The following ABCB4 variants were observed in gnomAD, a reference collection of about 807,000 sequenced individuals.
ABCB4 encodes the protein phosphatidylcholine translocator ABCB4.
In ABCB4, 76 loss-of-function variants were observed where a neutral mutation model predicts 145.7. The ratio of observed to expected loss-of-function variants is 0.52; its 90% CI spans 0.43 to 0.63. ABCB4 has a LOEUF of 0.63. ABCB4 is among the 30% of genes least tolerant of loss of function. The pLI is 0.00. For synonymous variants in ABCB4, 517 were observed against 566.8 expected (o/e 0.91, Z 1.25); for missense variants, 1,234 against 1,553.1 (o/e 0.79, Z 3.45).
At chr7:87,398,708 G>A, downstream of ABCB4, 2 of 1,482,368 alleles carry the variant, frequency 1.3e-6, no homozygotes, top group Non-Finnish European at 1.8e-6. Flanking sequence ...GGAGTGAGTT[G>A]GTAATATGAG....
chr7:87,451,262 G>A (rs1437501774), intron 7 of ABCB4, among the ~76,000 whole-genome samples: 2 of 151,638 alleles, frequency 1.3e-5, no homozygotes, highest in African/African-American at 2.4e-5. Flanking sequence ...AGCCTCCCAA[G>A]TAGCTGGGAT....
chr7:87,421,982 T>A, intron 18 of ABCB4, 139 bp downstream of exon 18: 2 of 674,554 alleles, frequency 3.0e-6, no homozygotes, highest in East Asian at 2.7e-5. Context: ...TGATAAGGAG[T>A]CTACCCTCCA....
intron 27 of ABCB4, 135 bp from the exon 28 acceptor site, chr7:87,402,437 T>G: frequency 2.8e-6 from 3 of 1,081,458 alleles, no homozygotes; most frequent in Non-Finnish European, 2.7e-6. Context: ...ACTTTATGCA[T>G]GTGTATTTTG....
At chr7:87,464,941 A>G (rs1431963469) in intron 3 of ABCB4, among the ~76,000 whole-genome samples, 1 of 152,210 alleles carries the variant, frequency 6.6e-6, no homozygotes, top group Non-Finnish European at 1.5e-5. Flanking sequence ...AACAGCTCCC[A>G]GTGCAAGTGA....
At chr7:87,376,471 C>T in the ABCB4 span, among the ~76,000 whole-genome samples, 2 of 152,000 alleles carry the variant, frequency 1.3e-5, no homozygotes, top group Non-Finnish European at 2.9e-5. Flanking sequence ...CCCCTGCCAC[C>T]CCCAGGGTGA....
the ABCB4 span, chr7:87,375,937 C>T: frequency 1.1e-5 from 18 of 1,607,174 alleles, no homozygotes; most frequent in Admixed American, 1.7e-5. Flanking sequence ...CATGTAACAC[C>T]AGAGGATTAT....
intron 16 of ABCB4, among the ~76,000 whole-genome samples, chr7:87,426,380 G>T (rs1453558899): frequency 2.0e-5 from 3 of 152,140 alleles, no homozygotes; most frequent in African/African-American, 7.2e-5. Context: ...GCTATTCTGG[G>T]TTTCCTAATA....
intron 18 of ABCB4, 87 bp downstream of exon 18, chr7:87,422,034 T>A: frequency 1.0e-6 from 1 of 979,788 alleles, no homozygotes; most frequent in Non-Finnish European, 1.6e-6. Context: ...TATTTCACTG[T>A]AAGAATTTGG....
At chr7:87,428,636 T>C (rs1452727140) in intron 15 of ABCB4, among the ~76,000 whole-genome samples, 1 of 152,220 alleles carries the variant, frequency 6.6e-6, no homozygotes, top group African/African-American at 2.4e-5. Flanking sequence ...TTTCTTTTTA[T>C]GTAAAGAGTT....
chr7:87,390,288 T>C, the ABCB4 span, among the ~76,000 whole-genome samples: 1 of 152,190 alleles, frequency 6.6e-6, no homozygotes, highest in Non-Finnish European at 1.5e-5. Flanking sequence ...CCAGCATCTA[T>C]TATAAAAAGT....
chr7:87,406,110 T>A, intron 26 of ABCB4, 178 bp downstream of exon 26: 1 of 660,496 alleles, frequency 1.5e-6, no homozygotes. Flanking sequence ...TTGTATGAGG[T>A]AGGCATAATG....
In ABCB4 at chr7:87,419,942, C is replaced by G; in HGVS notation, c.2394+56G>C. On this transcript the variant is annotated intron_variant, in intron 19 of 27. Transcript: ENST00000649586. ...ACATAACAATAAGAACAGTAAGAAG[C>G]TTAATATGGAAGAAATGTGAAAGAT... 3 of 1,549,592 alleles carry G rather than the reference C, an allele frequency of 1.9e-6. No individual in the cohort carries two copies. The South Asian group carries it at 3.3e-5, about 17-fold the overall frequency.
intron 26 of ABCB4, 190 bp downstream of exon 26, chr7:87,406,098 A>C: frequency 1.6e-6 from 1 of 641,800 alleles, no homozygotes; most frequent in Non-Finnish European, 2.7e-6. Context: ...TTCTCACTAC[A>C]TTTGTATGAG....
chr7:87,447,718 TTCTC>T (rs1487909159), intron 8 of ABCB4, among the ~76,000 whole-genome samples: 1 of 152,222 alleles, frequency 6.6e-6, no homozygotes, highest in African/African-American at 2.4e-5. Flanking sequence ...AAACATAGGC[TTCTC>T]TCTTTGACTT....
intron 6 of ABCB4, 29 bp downstream of exon 6, chr7:87,452,915 T>C: frequency 6.2e-7 from 1 of 1,605,898 alleles, no homozygotes; most frequent in Non-Finnish European, 8.5e-7. Context: ...AATTTCTATA[T>C]GAAAGTGTGA....
intron 26 of ABCB4, among the ~76,000 whole-genome samples, chr7:87,405,403 T>C (rs1808110144): frequency 6.6e-6 from 1 of 151,306 alleles, no homozygotes; most frequent in Admixed American, 6.6e-5. Context: ...GAGGGATCTT[T>C]ATGGAGATGA....
chr7:87,382,504 A>T, the ABCB4 span: 1 of 1,613,916 alleles, frequency 6.2e-7, no homozygotes, highest in Non-Finnish European at 8.5e-7. Flanking sequence ...ACGTTTATTC[A>T]GCTTGCACTT....
rs1584747249 is a variant in ABCB4 at position 87,443,342 on chromosome 7, G to T, written c.1333C>A (p.Leu445Ile). ...ACTGTGCCCTCATCAGGGTCATAGAGCCTCTGTATCAGCTGGACCGTTGTG... is the reference window on the plus strand; with the variant it reads ...ACTGTGCCCTCATCAGGGTCATAGATCCTCTGTATCAGCTGGACCGTTGTG... The part of the protein sequence containing the change: ...KSTTVQLIQR[L>I]YDPDEGTINI... Residue 445 changes from leucine (L) to isoleucine (I), a missense_variant, in exon 12 of 28, where the codon CTC (leucine) becomes ATC (isoleucine). Leu to Ile is a conservative substitution (Grantham distance 5). Transcript: ENST00000649586. 1 of 1,613,960 alleles carries T rather than the reference G, an allele frequency of 6.2e-7. No individual in the cohort carries two copies. Among genetic ancestry groups the T allele is most frequent in the Admixed American group, 1.7e-5 (1 of 59,994 alleles).
the ABCB4 span, among the ~76,000 whole-genome samples, chr7:87,385,438 T>A: frequency 6.6e-6 from 1 of 152,306 alleles, no homozygotes; most frequent in African/African-American, 2.4e-5. Context: ...AGGTATTTTA[T>A]ATTCTTTGTA....
Sources: allele counts gnomAD v4.1 joint callset (sites outside exome capture counted in the v4.1 genomes callset), GRCh38; gene constraint gnomAD v4.1.1; transcripts MANE v1.5; gene names NCBI Gene and HGNC (gene_info 2026-07-23, HGNC 2026-07-21).